SEMA5A: variants seen among roughly 807,000 people sequenced by gnomAD.
SEMA5A encodes semaphorin-5A.
SEMA5A carries 55 observed loss-of-function variants against 135.5 expected under a neutral mutation model. The observed-to-expected ratio is 0.41, with a 90% CI of 0.33 to 0.51. The LOEUF (loss-of-function observed/expected upper bound fraction) is 0.51. SEMA5A is among the 20% of genes least tolerant of loss of function. The pLI is 0.37. For synonymous variants in SEMA5A, 580 were observed against 546.5 expected (o/e 1.06, Z -0.85); for missense variants, 1,290 against 1,419.9 (o/e 0.91, Z 1.47).
chr5:9,480,334 T>A (rs1408000404), intron 1 of SEMA5A, among the ~76,000 whole-genome samples: 1 of 152,146 alleles, frequency 6.6e-6, no homozygotes, highest in Non-Finnish European at 1.5e-5. Context: ...TAGCAAATAA[T>A]ATAGCTATAA....
chr5:9,077,281 T>C (rs1051757589), intron 16 of SEMA5A, among the ~76,000 whole-genome samples: 1 of 152,224 alleles, frequency 6.6e-6, no homozygotes, highest in Non-Finnish European at 1.5e-5. Flanking sequence ...TGCATGTATT[T>C]GGATCTGGCT....
intron 1 of SEMA5A, among the ~76,000 whole-genome samples, chr5:9,479,089 GT>G (rs1759777508): frequency 6.6e-6 from 1 of 152,090 alleles, no homozygotes; most frequent in Non-Finnish European, 1.5e-5. Context: ...CATGTACGAC[GT>G]GCCTCACTTC....
chr5:9,177,642 A>G (rs1744275885), intron 11 of SEMA5A, among the ~76,000 whole-genome samples: 1 of 152,162 alleles, frequency 6.6e-6, no homozygotes, highest in Non-Finnish European at 1.5e-5. Context: ...GCTCATCTCC[A>G]TTGTCTCTTC....
rs537772665 is a variant in SEMA5A, at chr5:9,152,873, A to G, written c.1481+1615T>C. 4.5e-3 allele frequency among the ~76,000 whole-genome samples: 689 copies of G among 152,286 alleles called. 4 individuals carry two copies. The highest frequency in any genetic ancestry group is 8.5e-3 in the Admixed American group (130 of 15,290). On this transcript the variant is annotated intron_variant, in intron 12 of 22. Transcript: ENST00000382496. ...GATCACTCAAGGTCAGGAATTCGGG[A>G]CCAGCCTGGCCAACATGGTGAAACC... is the stretch of plus-strand genomic sequence containing the variant.
intron 9 of SEMA5A, among the ~76,000 whole-genome samples, chr5:9,198,480 C>T (rs1479335828): frequency 6.6e-6 from 1 of 152,144 alleles, no homozygotes; most frequent in Non-Finnish European, 1.5e-5. Flanking sequence ...ATTTCCAATC[C>T]TTTGCAATAT....
intron 11 of SEMA5A, among the ~76,000 whole-genome samples, chr5:9,174,284 T>C (rs1284762329): frequency 2.0e-5 from 3 of 152,202 alleles, no homozygotes; most frequent in Admixed American, 6.5e-5. Flanking sequence ...CACTAATGAC[T>C]TCCAGGTGGG....
In SEMA5A at chr5:9,085,624, G is replaced by A. The variant is rs79993438; in HGVS notation, c.2074-18978C>T. On this transcript the variant is annotated intron_variant, in intron 16 of 22. Transcript: ENST00000382496. ...AGAGGATGTATGGAAACACATGAATGTCCAGGCAGAAGTTTGCTGCAGGGG... is the reference window on the plus strand; with the variant it reads ...AGAGGATGTATGGAAACACATGAATATCCAGGCAGAAGTTTGCTGCAGGGG... 2.2e-3 allele frequency among the ~76,000 whole-genome samples: 339 copies of A among 152,316 alleles called. 2 individuals carry two copies. The highest frequency in any genetic ancestry group is 7.7e-3 in the African/African-American group (321 of 41,566).
chr5:9,318,259 G>C (rs533399762), intron 5 of SEMA5A, 113 bp downstream of exon 5: 7 of 978,012 alleles, frequency 7.2e-6, no homozygotes, highest in African/African-American at 4.9e-5. Context: ...CTGAGGAAAC[G>C]AGCCCCTGCT....
At chr5:9,353,729 A>T (rs1226834629) in intron 3 of SEMA5A, among the ~76,000 whole-genome samples, 1 of 152,314 alleles carries the variant, frequency 6.6e-6, no homozygotes, top group East Asian at 1.9e-4. Flanking sequence ...TCACAAGTTG[A>T]GTATTTTCTA....
intron 12 of SEMA5A, among the ~76,000 whole-genome samples, chr5:9,147,215 C>G (rs374722874): frequency 1.2e-4 from 19 of 152,318 alleles, no homozygotes; most frequent in African/African-American, 4.3e-4. Flanking sequence ...CTAAATGATA[C>G]TATTAAAGGC....
chr5:9,468,312 G>A (rs1759339248), intron 1 of SEMA5A, among the ~76,000 whole-genome samples: 3 of 152,120 alleles, frequency 2.0e-5, no homozygotes, highest in East Asian at 1.9e-4. Context: ...TTACTGGAAC[G>A]TCTACTGTAG....
intron 7 of SEMA5A, 97 bp from the exon 8 acceptor site, chr5:9,224,984 C>CTG (rs879396430): frequency 8.5e-7 from 1 of 1,172,166 alleles, no homozygotes. Flanking sequence ...GACGCTTGTG[C>CTG]AACAGCCTCT....
rs2150048461 is a variant in SEMA5A, at chr5:9,053,960, T to C, written c.2689+127A>G. ...TAAAGTCACTTCAAGGGTAATAGCA[T>C]GTTGCTAACTTGCCCACCCCCCTTT... On this transcript the variant is annotated intron_variant, in intron 19 of 22. Transcript: ENST00000382496. The C allele has an allele frequency of 4.1e-6, 4 of 986,032 alleles. No homozygotes were observed. The Admixed American group carries it at 9.8e-5, about 24-fold the overall frequency. 61.1% of individuals were successfully genotyped at this position (986,032 alleles called of 1,614,324 possible). A position where few individuals can be genotyped will look rare whatever the true frequency, so the allele number is the denominator to read the frequency against.
chr5:9,265,525 G>A (rs1473990647), intron 5 of SEMA5A: 6 of 456,218 alleles, frequency 1.3e-5, no homozygotes, highest in Admixed American at 2.4e-5. Context: ...TGGTGTGTGC[G>A]GTCCTCCTGC....
chr5:9,455,627 C>G (rs188755093), intron 1 of SEMA5A, among the ~76,000 whole-genome samples: 347 of 152,262 alleles, frequency 2.3e-3, no homozygotes, highest in Non-Finnish European at 3.0e-3. Context: ...TGGGCCAGAA[C>G]AGAGAAGGGT....
chr5:9,077,619 A>T (rs139132233), intron 16 of SEMA5A, among the ~76,000 whole-genome samples: 168 of 152,300 alleles, frequency 1.1e-3, no homozygotes, highest in African/African-American at 3.8e-3. Context: ...AACCTTTATT[A>T]TGCCACTTGT....
chr5:9,482,739 G>T (rs1759923394), intron 1 of SEMA5A, among the ~76,000 whole-genome samples: 1 of 152,232 alleles, frequency 6.6e-6, no homozygotes, highest in Non-Finnish European at 1.5e-5. Flanking sequence ...AGGAGGAACA[G>T]CTCCAGCACA....
intron 1 of SEMA5A, among the ~76,000 whole-genome samples, chr5:9,457,434 T>C (rs1374373635): frequency 1.3e-5 from 2 of 152,114 alleles, no homozygotes; most frequent in Non-Finnish European, 2.9e-5. Flanking sequence ...AATGTTGAGG[T>C]TCCAACAATA....
chr5:9,057,209 G>A (rs1026320315), intron 18 of SEMA5A, among the ~76,000 whole-genome samples: 2 of 152,096 alleles, frequency 1.3e-5, no homozygotes, highest in Admixed American at 1.3e-4. Context: ...ACTATACATC[G>A]TTGTATACCT....
Sources: allele counts gnomAD v4.1 joint callset (sites outside exome capture counted in the v4.1 genomes callset), GRCh38; gene constraint gnomAD v4.1.1; transcripts MANE v1.5; gene names NCBI Gene and HGNC (gene_info 2026-07-23, HGNC 2026-07-21).